The following KCNQ2 variants were observed in gnomAD, a reference collection of about 807,000 sequenced individuals.
KCNQ2 encodes the protein potassium voltage-gated channel subfamily Q member 2.
A neutral mutation model predicts 84.8 loss-of-function variants in KCNQ2; 14 were observed. The ratio of observed to expected loss-of-function variants is 0.17; its 90% CI spans 0.11 to 0.26. KCNQ2 has a LOEUF of 0.26. Among genes scored for constraint, KCNQ2 ranks in the 10% least tolerant of loss-of-function variants. The probability of loss-of-function intolerance (pLI) is 1.00; values close to 1 mark genes in which losing one functional copy is unlikely to be tolerated. For synonymous variants in KCNQ2, 599 were observed against 554.1 expected (o/e 1.08, Z -1.14); for missense variants, 788 against 1,254.0 (o/e 0.63, Z 5.61).
In KCNQ2 at chr20:63,402,457, A is replaced by G. The variant is rs902642016; in HGVS notation, c.*4187T>C. ...GCTCCTCGGCTTCTGGGAAGCAACT[A>G]GAAATAGCTGAGAGCCCAGCTCTTT... On this transcript the variant is annotated 3_prime_UTR_variant, in exon 17 of 17. Transcript: ENST00000359125. 1.3e-5 allele frequency: 2 copies of G among 152,432 alleles called. No homozygotes were observed. Among genetic ancestry groups the G allele is most frequent in the Non-Finnish European group, 2.9e-5 (2 of 68,194 alleles). The allele number at this position is 152,432 out of a possible 1,614,324, so 9.4% of individuals were successfully genotyped here.
chr20:63,443,069 T>C (rs1449871828), intron 4 of KCNQ2, among the ~76,000 whole-genome samples: 11 of 42,834 alleles, frequency 2.6e-4, no homozygotes, highest in South Asian at 9.3e-4. Context: ...ACCATCACCA[T>C]TATCACCACC....
intron 11 of KCNQ2, chr20:63,423,926 A>C: frequency 1.2e-5 from 6 of 486,806 alleles, no homozygotes; most frequent in East Asian, 3.7e-5. Flanking sequence ...CACCCCCGAG[A>C]AGCCGCCCAG....
intron 15 of KCNQ2, among the ~76,000 whole-genome samples, chr20:63,411,391 C>G (rs903659557): frequency 6.6e-6 from 1 of 152,202 alleles, no homozygotes; most frequent in African/African-American, 2.4e-5. Context: ...AGCCCTCAGC[C>G]AGGAGGGGCC....
At chr20:63,471,704 A>C (rs921250471) in intron 1 of KCNQ2, 3 of 156,322 alleles carry the variant, frequency 1.9e-5, no homozygotes, top group African/African-American at 4.8e-5. Context: ...CCCTAGTCTG[A>C]GGGAGAGCGG....
chr20:63,421,151 G>T (rs1437036323), intron 11 of KCNQ2, among the ~76,000 whole-genome samples: 1 of 152,084 alleles, frequency 6.6e-6, no homozygotes, highest in African/African-American at 2.4e-5. Context: ...ACCTCCCAAG[G>T]TCTCCTGTTT....
intron 1 of KCNQ2, among the ~76,000 whole-genome samples, chr20:63,447,738 G>T (rs955977132): frequency 6.6e-6 from 1 of 152,102 alleles, no homozygotes; most frequent in East Asian, 1.9e-4. Context: ...GGGATTACAG[G>T]CATGTGCCAC....
At chr20:63,443,088 T>C (rs1272831784) in intron 4 of KCNQ2, among the ~76,000 whole-genome samples, 336 of 10,210 alleles carry the variant, frequency 0.033, no homozygotes, top group South Asian at 0.052. Context: ...CCACCACCAT[T>C]ATCACCACCA....
intron 1 of KCNQ2, among the ~76,000 whole-genome samples, chr20:63,453,052 T>G (rs1478845918): frequency 2.0e-5 from 3 of 151,920 alleles, no homozygotes; most frequent in Admixed American, 2.0e-4. Context: ...TGCCCCACGC[T>G]GCACCCCTCC....
At position 63,433,909 on chromosome 20, in the gene KCNQ2, G is replaced by T; in HGVS notation, c.1024-6C>A. ...GCGTAGAATCTCCAGGCCGACTGCG[G>T]AGGGAAAGACAAGGCAGTTGGCGAG... is the stretch of plus-strand genomic sequence containing the variant. On this transcript the variant is annotated splice_region_variant and splice_polypyrimidine_tract_variant and intron_variant, in intron 7 of 16. Coordinates refer to ENST00000359125, the MANE Select transcript of KCNQ2 (RefSeq NM_172107.4). 1 of 1,613,030 alleles carries T rather than the reference G, an allele frequency of 6.2e-7. No homozygotes were observed. Among genetic ancestry groups the T allele is most frequent in the African/African-American group, 1.3e-5 (1 of 75,046 alleles).
rs1259520053 is a variant in KCNQ2, at chr20:63,425,239, C to T, written c.1218-1033G>A. On this transcript the variant is annotated intron_variant, in intron 10 of 16. Coordinates refer to ENST00000359125, the MANE Select transcript of KCNQ2 (RefSeq NM_172107.4). This position sits in a 1 kb window ranked among gnomAD's most constrained non-coding sequence, Gnocchi z 5.5. Reference sequence around the variant, plus strand: ...CAAGCTCAGTTACAGCTGCAAGGACCCTTTCTCCAAATCAGGTCACATTTG... The same window carrying T: ...CAAGCTCAGTTACAGCTGCAAGGACTCTTTCTCCAAATCAGGTCACATTTG... Among the ~76,000 whole-genome samples the T allele has an allele frequency of 6.6e-6, 1 of 152,186 alleles. No individual in the cohort carries two copies. The highest frequency in any genetic ancestry group is 1.5e-5 in the Non-Finnish European group (1 of 68,038).
chr20:63,444,516 TG>T, intron 4 of KCNQ2, 142 bp downstream of exon 4: 1 of 549,416 alleles, frequency 1.8e-6, no homozygotes, highest in South Asian at 5.0e-5. Context: ...TCACACCTGA[TG>T]GGCTCCAGCC....
At chr20:63,428,031 C>G (rs896719896) in intron 10 of KCNQ2, among the ~76,000 whole-genome samples, 1 of 152,222 alleles carries the variant, frequency 6.6e-6, no homozygotes, top group Non-Finnish European at 1.5e-5. Context: ...GAGTTACCAC[C>G]AGGCACTCGA....
chr20:63,455,596 G>A (rs1371014703), intron 1 of KCNQ2, among the ~76,000 whole-genome samples: 1 of 152,214 alleles, frequency 6.6e-6, no homozygotes, highest in Non-Finnish European at 1.5e-5. Flanking sequence ...AGTTGGGGCA[G>A]GGAGGGGCCC....
chr20:63,439,874 C>G, intron 5 of KCNQ2, 166 bp from the exon 6 acceptor site: 1 of 674,860 alleles, frequency 1.5e-6, no homozygotes, highest in South Asian at 1.6e-5. Context: ...GTCGGCCGCC[C>G]CTCATCCCCT....
intron 1 of KCNQ2, chr20:63,448,130 G>A (rs929993509): frequency 1.3e-5 from 2 of 152,282 alleles, no homozygotes; most frequent in African/African-American, 4.8e-5. Context: ...GCCTCAAGCT[G>A]CCGCTTTGGC....
At chr20:63,442,675 C>CACCATT (rs2081207562) in intron 4 of KCNQ2, 144 bp from the exon 5 acceptor site, 1 of 626,584 alleles carries the variant, frequency 1.6e-6, no homozygotes, top group African/African-American at 2.3e-5. Context: ...CCACCACCAC[C>CACCATT]ACCACCACCA....
intron 1 of KCNQ2, among the ~76,000 whole-genome samples, chr20:63,454,843 G>A (rs2081729930): frequency 1.3e-5 from 2 of 152,228 alleles, no homozygotes; most frequent in South Asian, 4.1e-4. Flanking sequence ...TCCCAGGCAC[G>A]ACGAGCGTCC....
In KCNQ2 at chr20:63,419,519, G is replaced by T. The variant is rs531392639; in HGVS notation, c.1301+100C>A. The T allele has an allele frequency of 4.6e-5, 58 of 1,261,812 alleles. 1 individual carries two copies. In the African/African-American group the frequency reaches 7.7e-4, roughly 17 times the overall value. 78.2% of individuals were successfully genotyped at this position (1,261,812 alleles called of 1,614,324 possible). A position where few individuals can be genotyped will look rare whatever the true frequency, so the allele number is the denominator to read the frequency against. ...GCGGTGGGTCAGAATTGGGGTTGGG[G>T]CGCCAGCCTCCCCCTGGCTCCTCCA... On this transcript the variant is annotated intron_variant, in intron 12 of 16. Transcript: ENST00000359125.
intron 1 of KCNQ2, among the ~76,000 whole-genome samples, chr20:63,467,782 A>G (rs2145899971): frequency 6.6e-6 from 1 of 152,370 alleles, no homozygotes; most frequent in Middle Eastern, 3.4e-3. Context: ...AAGCATTTTC[A>G]AAACTGGAGA....
Sources: allele counts gnomAD v4.1 joint callset (sites outside exome capture counted in the v4.1 genomes callset), GRCh38; gene constraint gnomAD v4.1.1; non-coding constraint Gnocchi (gnomAD v3.1); transcripts MANE v1.5; gene names NCBI Gene and HGNC (gene_info 2026-07-23, HGNC 2026-07-21).